Variants in KLC1 observed in about 807,000 individuals in gnomAD.
KLC1 encodes the protein kinesin light chain 1, also known as kinesin 2 60/70kDa.
In KLC1, 30 loss-of-function variants were observed where a neutral mutation model predicts 84.2. The observed-to-expected ratio is 0.36, with a 90% CI of 0.27 to 0.48. The LOEUF is 0.48. Ranked by LOEUF, KLC1 falls within the 20% of genes least tolerant of loss-of-function variation. The pLI, the probability that KLC1 is intolerant of heterozygous loss-of-function variation, is 0.99. For synonymous variants in KLC1, 289 were observed against 293.3 expected, an observed-to-expected ratio of 0.99 and a Z score of 0.15; for missense variants, 499 against 805.4, an observed-to-expected ratio of 0.62 and a Z score of 4.60.
chr14:103,638,757 G>A (rs770432962), intron 1 of KLC1, among the ~76,000 whole-genome samples: 1 of 149,994 alleles, frequency 6.7e-6, no homozygotes, highest in Non-Finnish European at 1.5e-5. Context: ...GTGGGTGTGT[G>A]TGAACATAGT....
At chr14:103,682,899 GA>G (rs1160777617) in intron 13 of KLC1, 1 of 150,780 alleles carries the variant, frequency 6.6e-6, no homozygotes, top group Admixed American at 6.6e-5. Context: ...CCTCAGCCTA[GA>G]AGGCATTTTA....
At chr14:103,669,166 A>G (rs12891411) in intron 5 of KLC1, among the ~76,000 whole-genome samples, 141,703 of 151,852 alleles carry the variant, frequency 0.93, 66,365 homozygotes, top group East Asian at 0.98. Flanking sequence ...GCCGGGCACG[A>G]TGGCTCATGC....
At chr14:103,699,060 G>T (rs1384038698) in intron 15 of KLC1, 3 of 1,563,842 alleles carry the variant, frequency 1.9e-6, no homozygotes, top group Non-Finnish European at 2.6e-6. Context: ...AGGCTTGGTG[G>T]CCCCGCCCAC....
intron 3 of KLC1, among the ~76,000 whole-genome samples, chr14:103,661,202 C>G (rs981479273): frequency 1.3e-5 from 2 of 152,180 alleles, no homozygotes; most frequent in African/African-American, 4.8e-5. Flanking sequence ...TATGTCCTCT[C>G]CTCTGCAGCT....
intron 8 of KLC1, 21 bp downstream of exon 8, chr14:103,673,208 T>TAGGG (rs777716752): frequency 6.2e-7 from 1 of 1,602,242 alleles, no homozygotes; most frequent in South Asian, 1.1e-5. Context: ...TGCACAGCAC[T>TAGGG]AGGGAGGGGG....
intron 13 of KLC1, chr14:103,684,810 A>G (rs1402634457): frequency 1.7e-6 from 1 of 604,664 alleles, no homozygotes; most frequent in Non-Finnish European, 3.0e-6. Context: ...GAGGTGTATT[A>G]TAAACTACTG....
chr14:103,641,906 G>C, intron 1 of KLC1, among the ~76,000 whole-genome samples: 1 of 151,766 alleles, frequency 6.6e-6, no homozygotes, highest in East Asian at 1.9e-4. Flanking sequence ...ATAGGTATCA[G>C]CCACTATACT....
At chr14:103,675,275 G>C (rs1217317233) in intron 9 of KLC1, among the ~76,000 whole-genome samples, 4 of 152,034 alleles carry the variant, frequency 2.6e-5, no homozygotes, top group Non-Finnish European at 4.4e-5. Context: ...CAGCGAGGCG[G>C]GATCACACCA....
At chr14:103,685,669 C>T in intron 13 of KLC1, 1 of 1,289,556 alleles carries the variant, frequency 7.8e-7, no homozygotes, top group Non-Finnish European at 1.0e-6. Context: ...ACACTGTCTC[C>T]TGCATGACGG....
rs1415638907 is a variant in KLC1 at position 103,657,756 on chromosome 14, G to T, written c.472G>T (p.Asp158Tyr). Residue 158 changes from aspartate (D) to tyrosine (Y), a missense_variant, in exon 3 of 17, where the codon GAT (aspartate) becomes TAT (tyrosine). Physicochemically the swap from Asp to Tyr is radical, Grantham distance 160 (BLOSUM62 -3). This residue lies in a region of KLC1 where 179 missense variants were observed against 264.2 expected (regional missense o/e 0.68). Transcript: ENST00000334553. ...GTTTATGAATCAGCTAAAAAAATAT[G>T]ATGACGACATTTCCCCATCCGTGAG... ...LEFMNQLKKYDDDISPSEDKD... is the reference protein window; with the variant it reads ...LEFMNQLKKYYDDISPSEDKD... 2 of 1,613,832 alleles carry T rather than the reference G, an allele frequency of 1.2e-6. No homozygotes were observed. The highest frequency in any genetic ancestry group is 1.1e-5 in the South Asian group (1 of 91,058).
intron 13 of KLC1, chr14:103,685,022 G>A (rs1022819557): frequency 2.1e-6 from 3 of 1,437,722 alleles, no homozygotes; most frequent in Admixed American, 2.0e-5. Flanking sequence ...TAACTGACTT[G>A]CTCAGCGTCC....
chr14:103,652,016 A>G (rs2078486619), intron 1 of KLC1, among the ~76,000 whole-genome samples: 1 of 152,186 alleles, frequency 6.6e-6, no homozygotes, highest in Non-Finnish European at 1.5e-5. Flanking sequence ...GCCCTTATTA[A>G]TCTGTACATT....
intron 1 of KLC1, among the ~76,000 whole-genome samples, chr14:103,636,729 T>C (rs1384768129): frequency 6.6e-6 from 1 of 151,876 alleles, no homozygotes; most frequent in Non-Finnish European, 1.5e-5. Context: ...TATTTATTTA[T>C]TTATTTATTT....
chr14:103,687,867 C>G (rs2081876247), intron 14 of KLC1: 1 of 152,148 alleles, frequency 6.6e-6, no homozygotes, highest in Admixed American at 6.5e-5. Flanking sequence ...GACAGATTGT[C>G]CCTGCCGCAG....
At chr14:103,662,643 C>A in intron 4 of KLC1, 59 bp from the exon 5 acceptor site, 1 of 1,308,316 alleles carries the variant, frequency 7.6e-7, no homozygotes, top group Non-Finnish European at 1.0e-6. Context: ...TTTAAAGAAA[C>A]TGACTCATCT....
intron 15 of KLC1, chr14:103,696,096 C>A: frequency 2.8e-6 from 1 of 358,196 alleles, no homozygotes; most frequent in Non-Finnish European, 3.2e-6. Flanking sequence ...CACTGCGCCC[C>A]CGCCCCCCGC....
intron 1 of KLC1, among the ~76,000 whole-genome samples, chr14:103,638,357 A>G (rs1184779382): frequency 1.3e-5 from 2 of 152,060 alleles, no homozygotes; most frequent in Non-Finnish European, 2.9e-5. Context: ...TGCTTTTTCT[A>G]CCACATTCTT....
At chr14:103,684,919 T>G in intron 13 of KLC1, 1 of 739,936 alleles carries the variant, frequency 1.4e-6, no homozygotes, top group Non-Finnish European at 2.5e-6. Context: ...CAGCAAAAAC[T>G]TATGTTTTCT....
At chr14:103,697,371 C>T (rs2082624475) in intron 15 of KLC1, among the ~76,000 whole-genome samples, 1 of 151,882 alleles carries the variant, frequency 6.6e-6, no homozygotes. Context: ...CAGTGCCAGC[C>T]CCCCTTCCTC....
Sources: allele counts gnomAD v4.1 joint callset (sites outside exome capture counted in the v4.1 genomes callset), GRCh38; gene constraint gnomAD v4.1.1; regional missense constraint gnomAD v4.1.1; transcripts MANE v1.5; gene names NCBI Gene and HGNC (gene_info 2026-07-23, HGNC 2026-07-21).